The following CACNA1E variants were observed in gnomAD, a reference collection of about 807,000 sequenced individuals.
CACNA1E encodes the protein voltage-dependent R-type calcium channel subunit alpha-1E.
A neutral mutation model predicts 259.2 loss-of-function variants in CACNA1E; 40 were observed. That is an observed-to-expected ratio of 0.15 (90% CI 0.12 to 0.20). The LOEUF (loss-of-function observed/expected upper bound fraction) is 0.20. Ranked by LOEUF, CACNA1E falls within the 10% of genes least tolerant of loss-of-function variation. The pLI is 1.00. For synonymous variants in CACNA1E, 1,104 were observed against 1,138.5 expected (o/e 0.97, Z 0.61); for missense variants, 1,874 against 3,040.1 (o/e 0.62, Z 9.02).
At chr1:181,546,021 C>A (rs191811485) in intron 3 of CACNA1E, among the ~76,000 whole-genome samples, 59 of 152,184 alleles carry the variant, frequency 3.9e-4, no homozygotes, top group African/African-American at 1.3e-3. Flanking sequence ...TGGGGTGCTG[C>A]AGGAGAGCGG....
At chr1:181,463,257 A>G (rs1294789974) in intron 2 of CACNA1E, among the ~76,000 whole-genome samples, 2 of 152,186 alleles carry the variant, frequency 1.3e-5, no homozygotes, top group African/African-American at 2.4e-5. Flanking sequence ...ATATACTGTA[A>G]TGAAAGCTAT....
At chr1:181,328,719 C>T (rs1571574622) in intron 1 of CACNA1E, among the ~76,000 whole-genome samples, 1 of 152,076 alleles carries the variant, frequency 6.6e-6, no homozygotes, top group Non-Finnish European at 1.5e-5. Context: ...CATCAGACCA[C>T]CATGCAAGTC....
At chr1:181,781,324 C>T in intron 38 of CACNA1E, 103 bp from the exon 39 acceptor site, 1 of 683,870 alleles carries the variant, frequency 1.5e-6, no homozygotes, top group African/African-American at 1.8e-5. Context: ...CTATTCTCCT[C>T]TCCTATCTGT....
At chr1:181,789,953 C>T (rs375724561) in intron 43 of CACNA1E, among the ~76,000 whole-genome samples, 1 of 152,290 alleles carries the variant, frequency 6.6e-6, no homozygotes, top group Non-Finnish European at 1.5e-5. Flanking sequence ...ACAAAGTAGT[C>T]CTTCAATAAA....
intron 7 of CACNA1E, among the ~76,000 whole-genome samples, chr1:181,696,005 A>T (rs377536651): frequency 6.6e-6 from 1 of 152,182 alleles, no homozygotes; most frequent in Non-Finnish European, 1.5e-5. Context: ...CTCTGTGTAG[A>T]TTAAAATTAA....
At chr1:181,630,928 G>A (rs1476165980) in intron 6 of CACNA1E, among the ~76,000 whole-genome samples, 3 of 152,236 alleles carry the variant, frequency 2.0e-5, no homozygotes, top group African/African-American at 7.2e-5. Flanking sequence ...TACCTCCCAA[G>A]TGTTGTTTTT....
intron 16 of CACNA1E, 38 bp from the exon 17 acceptor site, chr1:181,724,432 G>C (rs761383425): frequency 1.3e-6 from 2 of 1,574,250 alleles, no homozygotes; most frequent in Admixed American, 1.7e-5. Flanking sequence ...GAAGACTTTT[G>C]CTTTTCTTAT....
chr1:181,486,538 A>G (rs956729376), intron 1 of CACNA1E, among the ~76,000 whole-genome samples: 3 of 152,218 alleles, frequency 2.0e-5, no homozygotes, highest in East Asian at 1.9e-4. Context: ...ATTGGGAGTC[A>G]GTCTGGGTAG....
intron 15 of CACNA1E, among the ~76,000 whole-genome samples, chr1:181,721,462 G>A (rs1654404020): frequency 6.6e-6 from 1 of 152,092 alleles, no homozygotes; most frequent in African/African-American, 2.4e-5. Flanking sequence ...CCTGATCTGT[G>A]TCATTTCCAC....
At chr1:181,350,511 G>A (rs930189121) in intron 1 of CACNA1E, among the ~76,000 whole-genome samples, 9 of 152,082 alleles carry the variant, frequency 5.9e-5, no homozygotes, top group East Asian at 5.8e-4. Context: ...CTGGCTCCAC[G>A]TCTCCAATGG....
chr1:181,775,397 T>G (rs976162256), intron 37 of CACNA1E, among the ~76,000 whole-genome samples: 2 of 152,248 alleles, frequency 1.3e-5, no homozygotes, highest in South Asian at 4.1e-4. Flanking sequence ...TGGTCTGTGC[T>G]GTCGTCCTGC....
intron 39 of CACNA1E, among the ~76,000 whole-genome samples, chr1:181,783,346 T>C (rs1032080925): frequency 4.6e-5 from 7 of 152,156 alleles, no homozygotes; most frequent in Admixed American, 4.6e-4. Flanking sequence ...AGCCACTTCT[T>C]TTAGAAATCA....
chr1:181,724,676 G>T (rs777843737), intron 17 of CACNA1E, 139 bp downstream of exon 17: 5 of 671,342 alleles, frequency 7.4e-6, no homozygotes, highest in Non-Finnish European at 1.0e-5. Context: ...CTGGACAGTT[G>T]GAGAGCCACA....
chr1:181,425,070 T>G (rs1659059648), intron 2 of CACNA1E, among the ~76,000 whole-genome samples: 1 of 152,222 alleles, frequency 6.6e-6, no homozygotes, highest in African/African-American at 2.4e-5. Context: ...CTGCTCAATT[T>G]GTTTTCCCTC....
chr1:181,496,742 A>T (rs1189806899), intron 1 of CACNA1E, among the ~76,000 whole-genome samples: 2 of 152,174 alleles, frequency 1.3e-5, no homozygotes, highest in Non-Finnish European at 2.9e-5. Flanking sequence ...ATTAGGATGC[A>T]CCACTTGGCT....
At chr1:181,624,049 T>A (rs1321146531) in intron 6 of CACNA1E, among the ~76,000 whole-genome samples, 2 of 152,140 alleles carry the variant, frequency 1.3e-5, no homozygotes, top group African/African-American at 4.8e-5. Flanking sequence ...CCACTCATGG[T>A]GGAAGGCGAA....
intron 7 of CACNA1E, among the ~76,000 whole-genome samples, chr1:181,698,458 G>A: frequency 6.6e-6 from 1 of 152,150 alleles, no homozygotes; most frequent in African/African-American, 2.4e-5. Flanking sequence ...TTTTATCAAT[G>A]CCATTTATTA....
intron 1 of CACNA1E, among the ~76,000 whole-genome samples, chr1:181,354,226 A>G (rs1653255731): frequency 6.6e-6 from 1 of 152,108 alleles, no homozygotes; most frequent in East Asian, 1.9e-4. Context: ...GAATAAATGA[A>G]TGAAACCAAT....
At chr1:181,536,439 C>G (rs554795575) in intron 3 of CACNA1E, among the ~76,000 whole-genome samples, 1 of 152,144 alleles carries the variant, frequency 6.6e-6, no homozygotes, top group Non-Finnish European at 1.5e-5. Flanking sequence ...TTTCAGTTAT[C>G]GAAATGTTCA....
Sources: allele counts gnomAD v4.1 joint callset (sites outside exome capture counted in the v4.1 genomes callset), GRCh38; gene constraint gnomAD v4.1.1; transcripts MANE v1.5; gene names NCBI Gene and HGNC (gene_info 2026-07-23, HGNC 2026-07-21).